The following BRWD3 variants were observed in gnomAD, a reference collection of about 807,000 sequenced individuals.
The protein encoded by BRWD3 is bromodomain and WD repeat domain containing 3.
Under a neutral mutation model 149.7 loss-of-function variants are expected in BRWD3, and 10 were observed. The observed-to-expected ratio is 0.07, with a 90% CI of 0.04 to 0.11. BRWD3 has a LOEUF of 0.11. Among genes scored for constraint, BRWD3 ranks in the 10% least tolerant of loss-of-function variants. The probability of loss-of-function intolerance (pLI) is 1.00; values close to 1 mark genes in which losing one functional copy is unlikely to be tolerated. For missense variants in BRWD3, 940 were observed against 1,373.2 expected (o/e 0.68, Z 4.99); for synonymous variants, 504 against 456.7 (o/e 1.10, Z -1.32).
intron 6 of BRWD3, among the ~76,000 whole-genome samples, chrX:80,753,714 G>A (rs571478982): frequency 1.8e-5 from 2 of 111,679 alleles, no homozygotes; most frequent in South Asian, 3.7e-4. Context: ...TTAGAGATAC[G>A]GGTCCAGTTT....
chrX:80,713,376 G>A (rs758952494), intron 20 of BRWD3, among the ~76,000 whole-genome samples: 8 of 112,349 alleles, frequency 7.1e-5, no homozygotes, highest in Middle Eastern at 4.6e-3. Flanking sequence ...GGATCCTGTT[G>A]ATCTATGACC....
chrX:80,739,077 C>T (rs2073447059), intron 8 of BRWD3, among the ~76,000 whole-genome samples: 1 of 111,703 alleles, frequency 9.0e-6, no homozygotes, highest in African/African-American at 3.3e-5. Flanking sequence ...AAGATGCAGG[C>T]AGATCGGTTA....
Position 80,688,138 on chromosome X carries a change from G to A in BRWD3, c.3808-13C>T. Reference sequence around the variant, plus strand: ...CAATTTCTGTATCCTTAATTAAAAAGGAAGAGTGGGAAAAGACGTTAAGTT... The same window carrying A: ...CAATTTCTGTATCCTTAATTAAAAAAGAAGAGTGGGAAAAGACGTTAAGTT... On this transcript the variant is annotated splice_polypyrimidine_tract_variant and intron_variant, in intron 33 of 40. Transcript: ENST00000373275. 3.4e-6 allele frequency: 4 copies of A among 1,161,479 alleles called. No individual in the cohort carries two copies. The highest frequency in any genetic ancestry group is 1.8e-5 in the African/African-American group (1 of 56,716).
intron 8 of BRWD3, among the ~76,000 whole-genome samples, chrX:80,740,599 T>C (rs1456613959): frequency 1.8e-5 from 2 of 110,779 alleles, no homozygotes; most frequent in Admixed American, 1.9e-4. Context: ...AAATACAAAA[T>C]ATAGCCGGAT....
At chrX:80,790,562 G>A (rs964351974) in intron 6 of BRWD3, among the ~76,000 whole-genome samples, 1 of 110,840 alleles carries the variant, frequency 9.0e-6, no homozygotes, top group Admixed American at 9.7e-5. Flanking sequence ...AATAACAAAC[G>A]GATTCAAATC....
At chrX:80,742,236 T>C (rs183955739) in intron 8 of BRWD3, among the ~76,000 whole-genome samples, 9 of 110,943 alleles carry the variant, frequency 8.1e-5, no homozygotes, top group Non-Finnish European at 1.5e-4. Context: ...TGTGGCATTA[T>C]GTCTGAGTGC....
At chrX:80,789,301 C>G (rs2074149679) in intron 6 of BRWD3, among the ~76,000 whole-genome samples, 1 of 112,745 alleles carries the variant, frequency 8.9e-6, no homozygotes, top group Admixed American at 9.4e-5. Flanking sequence ...AATCTGTTCC[C>G]AGGAACTTAC....
Position 80,730,028 on chromosome X carries a change from G to A in BRWD3, c.1128-8C>T. The A allele has an allele frequency of 8.9e-7, 1 of 1,129,370 alleles. No individual in the cohort carries two copies. The highest frequency in any genetic ancestry group is 1.8e-5 in the South Asian group (1 of 54,819). 93.1% of individuals were successfully genotyped at this position (1,129,370 alleles called of 1,213,427 possible). On this transcript the variant is annotated splice_region_variant and splice_polypyrimidine_tract_variant and intron_variant, in intron 12 of 40. Transcript: ENST00000373275. The stretch of plus-strand genomic sequence containing the variant: ...CCACTAACAAATCTTAAACTAGAAA[G>A]AGTTAAAATAACTTTATTAATTTTC...
At chrX:80,723,641 G>A (rs1228409019) in intron 16 of BRWD3, 107 bp downstream of exon 16, 2 of 833,003 alleles carry the variant, frequency 2.4e-6, no homozygotes, top group Non-Finnish European at 1.7e-6. Context: ...CTTTTATTTT[G>A]TATCTATTGA....
intron 17 of BRWD3, among the ~76,000 whole-genome samples, chrX:80,720,088 A>G (rs1316315886): frequency 1.8e-5 from 2 of 112,421 alleles, no homozygotes; most frequent in South Asian, 3.7e-4. Context: ...ATAAAAGCAT[A>G]GCACATATAA....
At chrX:80,793,914 C>T (rs2074209297) in intron 4 of BRWD3, 142 bp from the exon 5 acceptor site, 1 of 649,980 alleles carries the variant, frequency 1.5e-6, no homozygotes, top group Non-Finnish European at 2.4e-6. Context: ...CGCGATGGCT[C>T]ACGCCTGTAA....
At chrX:80,723,329 C>T (rs1305273267) in intron 16 of BRWD3, among the ~76,000 whole-genome samples, 1 of 95,360 alleles carries the variant, frequency 1.0e-5, no homozygotes, top group Non-Finnish European at 2.3e-5. Context: ...ATTAAGTTAG[C>T]TCCCAAAGTA....
chrX:80,721,762 C>T (rs1213544773), intron 17 of BRWD3, among the ~76,000 whole-genome samples: 1 of 111,834 alleles, frequency 8.9e-6, no homozygotes, highest in Admixed American at 9.5e-5. Context: ...TTTAAATAGT[C>T]ACATCCTCTT....
chrX:80,757,959 G>A (rs1021969428), intron 6 of BRWD3, among the ~76,000 whole-genome samples: 1 of 112,079 alleles, frequency 8.9e-6, no homozygotes, highest in Non-Finnish European at 1.9e-5. Flanking sequence ...CCAGCACTTT[G>A]GGAGGCCAAG....
chrX:80,740,926 A>G (rs1270027422), intron 8 of BRWD3, among the ~76,000 whole-genome samples: 1 of 111,574 alleles, frequency 9.0e-6, no homozygotes, highest in Non-Finnish European at 1.9e-5. Context: ...TTTTTAAATT[A>G]TACTTTAAGT....
rs778650969 is a variant in BRWD3 at position 80,687,006 on chromosome X, A to G, written c.3865-3T>C. On this transcript the variant is annotated splice_polypyrimidine_tract_variant and splice_region_variant and intron_variant, in intron 34 of 40. Transcript: ENST00000373275. ...TGTCTTCTGCCTCGGCATTTGACCTACAGATTTTAATAGAGTTATATCTAA... is the reference window on the plus strand; with the variant it reads ...TGTCTTCTGCCTCGGCATTTGACCTGCAGATTTTAATAGAGTTATATCTAA... 1 of 1,207,278 alleles carries G rather than the reference A, an allele frequency of 8.3e-7. No homozygotes were observed. Among genetic ancestry groups the G allele is most frequent in the Admixed American group, 2.2e-5 (1 of 45,744 alleles).
At chrX:80,743,805 C>T (rs1189190423) in intron 8 of BRWD3, 1 of 370,997 alleles carries the variant, frequency 2.7e-6, no homozygotes, top group Non-Finnish European at 4.7e-6. Flanking sequence ...ATATCTCACT[C>T]TATTTATAGA....
At chrX:80,746,764 A>C in intron 6 of BRWD3, 1 of 494,099 alleles carries the variant, frequency 2.0e-6, no homozygotes, top group Non-Finnish European at 2.5e-6. Context: ...TTCTAGCTAG[A>C]TTAGTATGAT....
At chrX:80,705,190 C>T (rs774427130) in intron 22 of BRWD3, among the ~76,000 whole-genome samples, 1 of 108,855 alleles carries the variant, frequency 9.2e-6, no homozygotes, top group South Asian at 4.1e-4. Context: ...CACTTGAATC[C>T]AAGAGGCAGA....
Sources: gnomAD v4.1 joint callset for allele counts (sites outside exome capture counted in the v4.1 genomes callset) on GRCh38, gnomAD v4.1.1 for gene constraint, MANE v1.5 for transcripts, NCBI Gene and HGNC (gene_info 2026-07-23, HGNC 2026-07-21) for gene names.